Variants in CHST10 observed in about 807,000 individuals in gnomAD.
CHST10 encodes HNK-1 sulfotransferase.
In CHST10, 24 loss-of-function variants were observed where a neutral mutation model predicts 34.7. The ratio of observed to expected loss-of-function variants is 0.69; its 90% confidence interval spans 0.50 to 0.97. The LOEUF is 0.97. Among genes scored for constraint, CHST10 ranks in the 50% least tolerant of loss-of-function variants. CHST10 has a pLI of 0.00. For missense variants in CHST10, 402 were observed against 452.1 expected, an observed-to-expected ratio of 0.89 and a Z score of 1.00; for synonymous variants, 161 against 169.3, an observed-to-expected ratio of 0.95 and a Z score of 0.38.
intron 2 of CHST10, among the ~76,000 whole-genome samples, chr2:100,410,086 C>T (rs1675764532): frequency 6.6e-6 from 1 of 152,204 alleles, no homozygotes; most frequent in Non-Finnish European, 1.5e-5. Context: ...ACCCCAGGCC[C>T]CTATCAGCAT....
intron 3 of CHST10, among the ~76,000 whole-genome samples, chr2:100,404,633 T>C (rs1263622461): frequency 6.6e-6 from 1 of 152,118 alleles, no homozygotes; most frequent in African/African-American, 2.4e-5. Context: ...AGCACAAAAC[T>C]TGATACATCA....
chr2:100,409,977 C>T lies in CHST10; in HGVS notation c.-32-3270G>A, dbSNP rs994139150. Among the ~76,000 whole-genome samples, 33 of 152,176 alleles carry T rather than the reference C, an allele frequency of 2.2e-4. 1 individual carries two copies. Among genetic ancestry groups the T allele is most frequent in the South Asian group, 2.1e-4 (1 of 4,830 alleles). On this transcript the variant is annotated intron_variant, in intron 2 of 6. Transcript: ENST00000264249. Reference sequence around the variant, plus strand: ...CCTGCTTCTTGTCCCCGGGATGGTACCAGGACACGTGGAGACTCCAGTGGG... The same window carrying T: ...CCTGCTTCTTGTCCCCGGGATGGTATCAGGACACGTGGAGACTCCAGTGGG...
intron 6 of CHST10, among the ~76,000 whole-genome samples, chr2:100,394,358 T>TGACAA (rs1488597862): frequency 6.6e-6 from 1 of 152,032 alleles, no homozygotes; most frequent in Non-Finnish European, 1.5e-5. Flanking sequence ...GCAGTGACGA[T>TGACAA]GACAAAGACG....
At chr2:100,414,191 G>A (rs1675966570) in intron 2 of CHST10, among the ~76,000 whole-genome samples, 3 of 152,186 alleles carry the variant, frequency 2.0e-5, no homozygotes, top group Non-Finnish European at 4.4e-5. Flanking sequence ...AATTCCAAAA[G>A]TGGCAAGAAG....
chr2:100,401,349 C>A (rs1247828424), intron 4 of CHST10, among the ~76,000 whole-genome samples: 1 of 152,146 alleles, frequency 6.6e-6, no homozygotes, highest in Non-Finnish European at 1.5e-5. Context: ...AAGTACACTG[C>A]AAACTGTAAA....
At chr2:100,411,732 T>G (rs1196709598) in intron 2 of CHST10, among the ~76,000 whole-genome samples, 1 of 152,208 alleles carries the variant, frequency 6.6e-6, no homozygotes, top group Non-Finnish European at 1.5e-5. Context: ...GTTCTTGTCC[T>G]TACAGAGCTT....
At chr2:100,416,757 C>G in intron 1 of CHST10, 1 of 356,120 alleles carries the variant, frequency 2.8e-6, no homozygotes, top group Non-Finnish European at 5.6e-6. Flanking sequence ...CTAACCAGAA[C>G]CTGGCTGCAC....
chr2:100,403,354 C>A (rs544899543), intron 3 of CHST10, among the ~76,000 whole-genome samples: 1 of 152,128 alleles, frequency 6.6e-6, no homozygotes, highest in African/African-American at 2.4e-5. Context: ...ACATTCCCTT[C>A]GCTGAGGGGG....
chr2:100,401,136 G>C (rs1023932173), intron 4 of CHST10, among the ~76,000 whole-genome samples: 5 of 152,142 alleles, frequency 3.3e-5, no homozygotes, highest in Non-Finnish European at 4.4e-5. Context: ...CCTCCCATCT[G>C]AGTCTCATGA....
Position 100,393,132 on chromosome 2 carries a change from C to T in CHST10, c.*113G>A. On this transcript the variant is annotated 3_prime_UTR_variant, in exon 7 of 7. Coordinates refer to ENST00000264249, the MANE Select transcript of CHST10 (RefSeq NM_004854.5). ...GCAACTCACAGGCCTGTGGGAGACCCCGGGCGTCCTCAAAGGAGGGGTGTG... is the reference window on the plus strand; with the variant it reads ...GCAACTCACAGGCCTGTGGGAGACCTCGGGCGTCCTCAAAGGAGGGGTGTG... The T allele has an allele frequency of 8.6e-7, 1 of 1,166,058 alleles. No individual in the cohort carries two copies. The highest frequency in any genetic ancestry group is 1.2e-6 in the Non-Finnish European group (1 of 812,962). The allele number at this position is 1,166,058 out of a possible 1,614,324, so 72.2% of individuals were successfully genotyped here. A position where few individuals can be genotyped will look rare whatever the true frequency, so the allele number is the denominator to read the frequency against.
At position 100,393,218 on chromosome 2, in the gene CHST10, G is replaced by C. The variant is rs144715626; in HGVS notation, c.*27C>G. The C allele has an allele frequency of 6.8e-6, 11 of 1,607,974 alleles. No individual in the cohort carries two copies. The African/African-American group carries it at 1.5e-4, about 22-fold the overall frequency. Reference sequence around the variant, plus strand: ...CCTGGTTAGCCCCAGGTCTAATAAAGATATTTGAATTCATAGGTCTTATGC... The same window carrying C: ...CCTGGTTAGCCCCAGGTCTAATAAACATATTTGAATTCATAGGTCTTATGC... On this transcript the variant is annotated 3_prime_UTR_variant, in exon 7 of 7. Transcript: ENST00000264249.
intron 6 of CHST10, among the ~76,000 whole-genome samples, chr2:100,395,100 G>T (rs1674992873): frequency 1.3e-5 from 2 of 152,128 alleles, no homozygotes; most frequent in African/African-American, 4.8e-5. Flanking sequence ...CCACTGCAGG[G>T]GCAGCTCCCA....
intron 5 of CHST10, among the ~76,000 whole-genome samples, chr2:100,396,528 GAC>G (rs1675068256): frequency 6.6e-6 from 1 of 152,198 alleles, no homozygotes; most frequent in Non-Finnish European, 1.5e-5. Flanking sequence ...CTGACCAGTG[GAC>G]ACAGTCTTGT....
chr2:100,405,407 A>G (rs995261889), intron 3 of CHST10, among the ~76,000 whole-genome samples: 4 of 152,168 alleles, frequency 2.6e-5, no homozygotes, highest in South Asian at 2.1e-4. Context: ...GGCTAATTTC[A>G]GGGTGTCCCT....
chr2:100,402,752 T>C (rs2104351193), intron 3 of CHST10, 97 bp from the exon 4 acceptor site: 2 of 1,017,894 alleles, frequency 2.0e-6, no homozygotes, highest in Non-Finnish European at 2.9e-6. Flanking sequence ...CTCTCAAAGA[T>C]GCCCAAATGC....
chr2:100,408,954 T>G (rs941801780), intron 2 of CHST10, among the ~76,000 whole-genome samples: 2 of 152,064 alleles, frequency 1.3e-5, no homozygotes, highest in Admixed American at 6.6e-5. Flanking sequence ...GCAGGTTGCA[T>G]GCAATTCTAA....
intron 2 of CHST10, among the ~76,000 whole-genome samples, chr2:100,412,977 C>G (rs1675908681): frequency 6.6e-6 from 1 of 152,112 alleles, no homozygotes; most frequent in Non-Finnish European, 1.5e-5. Context: ...CACTTCACCC[C>G]AGCTCCTCTA....
chr2:100,398,410 A>G (rs1675176595), intron 4 of CHST10, among the ~76,000 whole-genome samples: 2 of 152,150 alleles, frequency 1.3e-5, no homozygotes, highest in South Asian at 2.1e-4. Flanking sequence ...GTTTGACTTT[A>G]AAAAACAAAA....
rs563474285 is a variant in CHST10 at position 100,404,590 on chromosome 2, C to T, written c.101-1935G>A. Among the ~76,000 whole-genome samples, 3 of 152,306 alleles carry T rather than the reference C, an allele frequency of 2.0e-5. No individual in the cohort carries two copies. In the South Asian group the frequency reaches 6.2e-4, roughly 32 times the overall value. The stretch of plus-strand genomic sequence containing the variant: ...TCTAACCGGGCCTACCCCTGCTTAG[C>T]TTCCAGGATCAGTGTCTACACTGAA... On this transcript the variant is annotated intron_variant, in intron 3 of 6. Coordinates refer to ENST00000264249, the MANE Select transcript of CHST10 (RefSeq NM_004854.5).
Sources: gnomAD v4.1 joint callset for allele counts (sites outside exome capture counted in the v4.1 genomes callset) on GRCh38, gnomAD v4.1.1 for gene constraint, MANE v1.5 for transcripts, NCBI Gene and HGNC (gene_info 2026-07-23, HGNC 2026-07-21) for gene names.